The following SYNPR variants were observed in gnomAD, a reference collection of about 807,000 sequenced individuals.
SYNPR encodes the protein synaptoporin.
Under a neutral mutation model 32.9 loss-of-function variants are expected in SYNPR, and 23 were observed. The ratio of observed to expected loss-of-function variants is 0.70; its 90% CI spans 0.50 to 0.99. SYNPR has a LOEUF of 0.99. SYNPR is among the 50% of genes least tolerant of loss of function. The pLI, the probability that SYNPR is intolerant of heterozygous loss-of-function variation, is 0.00. For missense variants in SYNPR, 318 were observed against 349.3 expected (o/e 0.91, Z 0.71); for synonymous variants, 146 against 135.9 (o/e 1.07, Z -0.52).
intron 4 of SYNPR, among the ~76,000 whole-genome samples, chr3:63,603,660 A>G (rs1462284616): frequency 2.6e-5 from 4 of 152,154 alleles, no homozygotes. Flanking sequence ...TGATTTGTGT[A>G]TGTAGCACCA....
At chr3:63,546,223 C>T (rs566458897) in intron 3 of SYNPR, among the ~76,000 whole-genome samples, 1 of 152,262 alleles carries the variant, frequency 6.6e-6, no homozygotes, top group South Asian at 2.1e-4. Context: ...GTGAGCACAG[C>T]AATGCCTCTT....
intron 2 of SYNPR, among the ~76,000 whole-genome samples, chr3:63,257,622 T>C (rs372365568): frequency 1.3e-5 from 2 of 152,228 alleles, no homozygotes; most frequent in African/African-American, 4.8e-5. Context: ...ACATGCCAAA[T>C]TGTAAAGACC....
At chr3:63,606,469 C>A (rs1700123960) in intron 4 of SYNPR, among the ~76,000 whole-genome samples, 1 of 119,746 alleles carries the variant, frequency 8.4e-6, no homozygotes, top group South Asian at 2.9e-4. Flanking sequence ...GTTGCCCAGG[C>A]TGAACTGGCT....
At chr3:63,568,420 G>A (rs540078078) in intron 4 of SYNPR, among the ~76,000 whole-genome samples, 1 of 152,260 alleles carries the variant, frequency 6.6e-6, no homozygotes, top group East Asian at 1.9e-4. Context: ...CACAAGACAG[G>A]TGGGGGACAC....
At chr3:63,229,389 T>C (rs979330096) in intron 1 of SYNPR, among the ~76,000 whole-genome samples, 20 of 152,194 alleles carry the variant, frequency 1.3e-4, no homozygotes, top group African/African-American at 4.8e-4. Flanking sequence ...GTTAGGATGA[T>C]TGTGGCTCTT....
chr3:63,268,110 G>A (rs2086505865), intron 3 of SYNPR, among the ~76,000 whole-genome samples: 1 of 152,178 alleles, frequency 6.6e-6, no homozygotes. Context: ...TTTAACTTAT[G>A]ATTCTGTGTG....
At chr3:63,522,349 A>G (rs1016970018) in intron 3 of SYNPR, among the ~76,000 whole-genome samples, 4 of 152,214 alleles carry the variant, frequency 2.6e-5, no homozygotes, top group Non-Finnish European at 5.9e-5. Flanking sequence ...AACAATAACT[A>G]TTACCACTAT....
At chr3:63,427,566 C>T (rs1056041987) in intron 2 of SYNPR, 1 of 152,334 alleles carries the variant, frequency 6.6e-6, no homozygotes, top group Admixed American at 6.5e-5. Flanking sequence ...CACGCCCCAG[C>T]TCAGCCACTG....
At chr3:63,491,762 C>G (rs1340509485) in intron 3 of SYNPR, among the ~76,000 whole-genome samples, 2 of 152,078 alleles carry the variant, frequency 1.3e-5, no homozygotes, top group Non-Finnish European at 2.9e-5. Context: ...CTCAAGTGAT[C>G]TGCCTCCCTC....
chr3:63,204,271 G>A, the SYNPR span, among the ~76,000 whole-genome samples: 3 of 152,298 alleles, frequency 2.0e-5, no homozygotes, highest in East Asian at 5.8e-4. Context: ...TGTTCCCTCC[G>A]AAGACTCTAG....
intron 2 of SYNPR, among the ~76,000 whole-genome samples, chr3:63,454,336 G>T (rs1259819781): frequency 1.3e-5 from 2 of 151,984 alleles, no homozygotes; most frequent in Admixed American, 1.3e-4. Context: ...TTCTCTCTAG[G>T]TTTTCTTTTA....
intron 2 of SYNPR, among the ~76,000 whole-genome samples, chr3:63,462,354 C>T (rs759017772): frequency 1.4e-4 from 21 of 152,048 alleles, no homozygotes; most frequent in East Asian, 1.9e-4. Context: ...TAAATAAATA[C>T]GCATACACCC....
intron 2 of SYNPR, among the ~76,000 whole-genome samples, chr3:63,322,708 C>T (rs1383475314): frequency 6.6e-6 from 1 of 152,046 alleles, no homozygotes; most frequent in East Asian, 1.9e-4. Flanking sequence ...ATTCGACCTT[C>T]CAGTTTTGGA....
chr3:63,285,481 T>C (rs1385166803), intron 2 of SYNPR, among the ~76,000 whole-genome samples: 2 of 152,224 alleles, frequency 1.3e-5, no homozygotes, highest in African/African-American at 4.8e-5. Context: ...CAATCTACGA[T>C]TGACAGTTTG....
At chr3:63,377,427 G>A (rs2087908676) in intron 2 of SYNPR, among the ~76,000 whole-genome samples, 1 of 152,026 alleles carries the variant, frequency 6.6e-6, no homozygotes, top group Non-Finnish European at 1.5e-5. Context: ...TCAGGTTTAA[G>A]CAGAACTGAC....
intron 2 of SYNPR, among the ~76,000 whole-genome samples, chr3:63,307,125 A>T (rs150134405): frequency 6.6e-6 from 1 of 152,098 alleles, no homozygotes; most frequent in Non-Finnish European, 1.5e-5. Context: ...ACAGTGTCCA[A>T]ATTAGTTTTC....
chr3:63,408,617 G>C (rs1218511947), intron 2 of SYNPR, among the ~76,000 whole-genome samples: 1 of 152,136 alleles, frequency 6.6e-6, no homozygotes, highest in Non-Finnish European at 1.5e-5. Flanking sequence ...GGAGAACCTG[G>C]AATTCTGATA....
chr3:63,391,680 T>C (rs1026808494), intron 2 of SYNPR, among the ~76,000 whole-genome samples: 2 of 152,172 alleles, frequency 1.3e-5, no homozygotes, highest in Non-Finnish European at 2.9e-5. Context: ...ATTGGCAGAA[T>C]TATTACCTCT....
chr3:63,443,170 C>G, intron 2 of SYNPR: 1 of 1,220,794 alleles, frequency 8.2e-7, no homozygotes, highest in Non-Finnish European at 1.0e-6. Context: ...GCAGCGTTCA[C>G]CAGAGGGGAG....
Sources: gnomAD v4.1 joint callset for allele counts (sites outside exome capture counted in the v4.1 genomes callset) on GRCh38, gnomAD v4.1.1 for gene constraint, MANE v1.5 for transcripts, NCBI Gene and HGNC (gene_info 2026-07-23, HGNC 2026-07-21) for gene names.